The following CTNNA3 variants were observed in gnomAD, a reference collection of about 807,000 sequenced individuals.
CTNNA3 encodes the protein catenin alpha-3.
In CTNNA3, 76 loss-of-function variants were observed where a neutral mutation model predicts 95.7. The observed-to-expected ratio is 0.79, with a 90% CI of 0.66 to 0.96. The LOEUF (loss-of-function observed/expected upper bound fraction) is 0.96, where lower values mean the gene tolerates loss of function less well. Among genes scored for constraint, CTNNA3 ranks in the 40% least tolerant of loss-of-function variants. The probability of loss-of-function intolerance (pLI) is 0.00; values close to 1 mark genes in which losing one functional copy is unlikely to be tolerated. For synonymous variants in CTNNA3, 431 were observed against 374.4 expected (o/e 1.15, Z -1.74); for missense variants, 1,191 against 1,089.8 (o/e 1.09, Z -1.31).
At chr10:66,863,332 A>T (rs561425307) in intron 7 of CTNNA3, among the ~76,000 whole-genome samples, 41 of 152,194 alleles carry the variant, frequency 2.7e-4, no homozygotes, top group African/African-American at 9.9e-4. Flanking sequence ...CTTACTATTT[A>T]AAAAATCATC....
intron 12 of CTNNA3, among the ~76,000 whole-genome samples, chr10:66,303,485 TC>T (rs2091891582): frequency 6.8e-6 from 1 of 147,518 alleles, no homozygotes. Context: ...GCTCTGCACA[TC>T]ATTATGGGTA....
chr10:67,746,671 C>A (rs901330348), intron 1 of CTNNA3, among the ~76,000 whole-genome samples: 1 of 152,116 alleles, frequency 6.6e-6, no homozygotes, highest in South Asian at 2.1e-4. Context: ...ACGCTTTTTC[C>A]ATGGATCTGT....
intron 7 of CTNNA3, among the ~76,000 whole-genome samples, chr10:67,079,598 C>G (rs1388967482): frequency 6.6e-6 from 1 of 151,928 alleles, no homozygotes; most frequent in Non-Finnish European, 1.5e-5. Context: ...GCCTGTAATC[C>G]CAGCATGTTG....
chr10:66,520,619 G>A lies in CTNNA3; in HGVS notation c.1529C>T (p.Ser510Phe). The A allele has an allele frequency of 6.3e-7, 1 of 1,597,462 alleles. No individual in the cohort carries two copies. The highest frequency in any genetic ancestry group is 8.5e-7 in the Non-Finnish European group (1 of 1,171,702). Residue 510 changes from serine to phenylalanine, a missense_variant and splice_region_variant, in exon 11 of 18, where the codon TCT becomes TTT. Coordinates refer to ENST00000433211, the MANE Select transcript of CTNNA3 (RefSeq NM_013266.4). ...AAATTAAAAGAATAAAAACATACCAGATACAGCAAGGAAGTCATCAATGCT... is the reference window on the plus strand; with the variant it reads ...AAATTAAAAGAATAAAAACATACCAAATACAGCAAGGAAGTCATCAATGCT... ...ITSIDDFLAV[S>F]ESHILEDVNK... is the part of the protein sequence containing the mutation.
intron 7 of CTNNA3, among the ~76,000 whole-genome samples, chr10:67,178,168 T>C (rs1245367964): frequency 1.3e-5 from 2 of 152,110 alleles, no homozygotes; most frequent in African/African-American, 4.8e-5. Context: ...CTTTATTCCT[T>C]GTGGGGGCCT....
intron 15 of CTNNA3, among the ~76,000 whole-genome samples, chr10:66,027,777 G>A (rs1358309211): frequency 6.6e-6 from 1 of 152,064 alleles, no homozygotes; most frequent in Non-Finnish European, 1.5e-5. Context: ...AATAGTCAAC[G>A]CCACCCCACT....
intron 7 of CTNNA3, among the ~76,000 whole-genome samples, chr10:67,048,741 G>A (rs1309823522): frequency 6.6e-6 from 1 of 151,968 alleles, no homozygotes; most frequent in Non-Finnish European, 1.5e-5. Flanking sequence ...GCAAAGTGAG[G>A]TAGACAACAG....
intron 5 of CTNNA3, among the ~76,000 whole-genome samples, chr10:67,415,217 CTT>C (rs943741684): frequency 1.1e-4 from 16 of 152,188 alleles, no homozygotes; most frequent in Non-Finnish European, 2.1e-4. Flanking sequence ...AAGTCAAACT[CTT>C]TTCACTGACG....
At chr10:65,959,900 C>G (rs991686231) in intron 17 of CTNNA3, among the ~76,000 whole-genome samples, 1 of 152,264 alleles carries the variant, frequency 6.6e-6, no homozygotes, top group East Asian at 1.9e-4. Flanking sequence ...CATCAGGTTC[C>G]AAGATCCAGA....
At chr10:66,958,492 A>G (rs976268779) in intron 7 of CTNNA3, among the ~76,000 whole-genome samples, 2 of 152,072 alleles carry the variant, frequency 1.3e-5, no homozygotes, top group Non-Finnish European at 2.9e-5. Context: ...CATATAGCTC[A>G]GATTATTAGC....
At chr10:66,876,874 A>C (rs1407776679) in intron 7 of CTNNA3, among the ~76,000 whole-genome samples, 1 of 152,144 alleles carries the variant, frequency 6.6e-6, no homozygotes. Context: ...GTGACATGCA[A>C]ACTCTGGAGA....
chr10:66,269,419 T>C (rs893509662), intron 13 of CTNNA3, among the ~76,000 whole-genome samples: 6 of 152,180 alleles, frequency 3.9e-5, no homozygotes, highest in African/African-American at 1.4e-4. Flanking sequence ...CAAAAGAAGA[T>C]ATATAAAAAT....
At chr10:66,390,987 C>T (rs1388482717) in intron 11 of CTNNA3, among the ~76,000 whole-genome samples, 1 of 152,056 alleles carries the variant, frequency 6.6e-6, no homozygotes, top group Non-Finnish European at 1.5e-5. Flanking sequence ...TCCCTGTCTG[C>T]AAAGGATTCA....
chr10:66,766,152 G>T, intron 9 of CTNNA3, 112 bp downstream of exon 9: 1 of 1,031,358 alleles, frequency 9.7e-7, no homozygotes, highest in Non-Finnish European at 1.4e-6. Context: ...AGACTCTGCT[G>T]TATTTGTAAC....
At chr10:66,774,589 C>T (rs573550128) in intron 8 of CTNNA3, among the ~76,000 whole-genome samples, 2 of 152,008 alleles carry the variant, frequency 1.3e-5, no homozygotes, top group South Asian at 2.1e-4. Context: ...TCCAAATCTA[C>T]GTCCAAATTA....
At chr10:66,866,422 C>T (rs934635089) in intron 7 of CTNNA3, among the ~76,000 whole-genome samples, 8 of 152,172 alleles carry the variant, frequency 5.3e-5, no homozygotes, top group Admixed American at 2.6e-4. Context: ...CAACATCTAG[C>T]TTTTTGGAGG....
At chr10:65,987,267 A>G (rs1267527929) in intron 16 of CTNNA3, among the ~76,000 whole-genome samples, 3 of 151,784 alleles carry the variant, frequency 2.0e-5, no homozygotes, top group African/African-American at 7.2e-5. Flanking sequence ...AACCTACAGA[A>G]TGATAGAAGA....
rs371473471 is a variant in CTNNA3, at chr10:67,610,915, G to T, written c.100-3866C>A. On this transcript the variant is annotated intron_variant, in intron 2 of 17. Coordinates refer to ENST00000433211, the MANE Select transcript of CTNNA3 (RefSeq NM_013266.4). Reference sequence around the variant, plus strand: ...TCTCATATAGAAAATCTCCAAGCTTGCAGCATTAGAGAGCTTGGGTTTGCT... The same window carrying T: ...TCTCATATAGAAAATCTCCAAGCTTTCAGCATTAGAGAGCTTGGGTTTGCT... Among the ~76,000 whole-genome samples, 31 of 152,250 alleles carry T rather than the reference G, an allele frequency of 2.0e-4. No homozygotes were observed. In the South Asian group the frequency reaches 6.2e-3, roughly 31 times the overall value.
chr10:66,852,867 GTTAAT>G (rs1000663119), intron 7 of CTNNA3, among the ~76,000 whole-genome samples: 6 of 152,080 alleles, frequency 3.9e-5, no homozygotes, highest in African/African-American at 1.2e-4. Context: ...TAATGTTTTT[GTTAAT>G]TTAACTCCTC....
Sources: allele counts gnomAD v4.1 joint callset (sites outside exome capture counted in the v4.1 genomes callset), GRCh38; gene constraint gnomAD v4.1.1; transcripts MANE v1.5; gene names NCBI Gene and HGNC (gene_info 2026-07-23, HGNC 2026-07-21).